The following PRH1 variants were observed in gnomAD, a reference collection of about 807,000 sequenced individuals.
The protein encoded by PRH1 is salivary acidic proline-rich phosphoprotein 1/2.
PRH1 carries 7 observed loss-of-function variants against 7.9 expected under a neutral mutation model. The ratio of observed to expected loss-of-function variants is 0.89; its 90% CI spans 0.50 to 1.67. PRH1 has a LOEUF of 1.67. PRH1 is among the 40% of genes most tolerant of loss of function. The pLI, the probability that PRH1 is intolerant of heterozygous loss-of-function variation, is 0.00. For missense variants in PRH1, 109 were observed against 223.6 expected, an observed-to-expected ratio of 0.49 and a Z score of 3.27; for synonymous variants, 45 against 80.8, an observed-to-expected ratio of 0.56 and a Z score of 2.38.
At chr12:11,017,603 G>A (rs1260434512) in intron 1 of PRH1, among the ~76,000 whole-genome samples, 1 of 152,010 alleles carries the variant, frequency 6.6e-6, no homozygotes, top group Non-Finnish European at 1.5e-5. Flanking sequence ...AAATCCTTCA[G>A]CCTCCTGAGT....
rs12312963 is a variant in PRH1 at position 10,995,013 on chromosome 12, T to C, written c.-125-21292A>G. 5.8e-3 allele frequency among the ~76,000 whole-genome samples: 890 copies of C among 152,336 alleles called. 9 individuals carry two copies. The highest frequency in any genetic ancestry group is 0.02 in the African/African-American group (822 of 41,588). On this transcript the variant is annotated intron_variant, in intron 1 of 3. Coordinates refer to the PRH1 transcript ENST00000539853. ...CTGCATCACTGCTATATTATAGTGATATTTCCCCTAGAATTGTGGAATAGC... is the reference window on the plus strand; with the variant it reads ...CTGCATCACTGCTATATTATAGTGACATTTCCCCTAGAATTGTGGAATAGC...
At chr12:11,062,072 A>G in intron 1 of PRH1, 5 of 1,613,698 alleles carry the variant, frequency 3.1e-6, no homozygotes, top group Non-Finnish European at 4.2e-6. Context: ...ATACTGTTAA[A>G]AGCTGGATTC....
At chr12:11,068,214 T>C (rs1209062981) in intron 1 of PRH1, among the ~76,000 whole-genome samples, 1 of 152,216 alleles carries the variant, frequency 6.6e-6, no homozygotes, top group Non-Finnish European at 1.5e-5. Context: ...ATCTCCTCCC[T>C]CCTGATTATC....
chr12:10,977,191 G>A (rs1939144943), intron 1 of PRH1, among the ~76,000 whole-genome samples: 20 of 152,090 alleles, frequency 1.3e-4, no homozygotes, highest in Admixed American at 1.3e-3. Flanking sequence ...ACTGAATCCA[G>A]CAGCACATCA....
intron 1 of PRH1, among the ~76,000 whole-genome samples, chr12:11,076,245 A>G (rs73062936): frequency 0.5 from 57,729 of 115,276 alleles, 12,728 homozygotes; most frequent in Non-Finnish European, 0.6. Flanking sequence ...GGATACATCA[A>G]CACACTTTGT....
chr12:11,152,572 TTTA>T (rs556980860), intron 1 of PRH1, among the ~76,000 whole-genome samples: 126 of 152,308 alleles, frequency 8.3e-4, no homozygotes, highest in Admixed American at 6.6e-3. Context: ...CACTTTTATG[TTTA>T]TTGACATCTA....
intron 2 of PRH1, among the ~76,000 whole-genome samples, chr12:10,932,986 A>G (rs1950235357): frequency 6.6e-6 from 1 of 152,182 alleles, no homozygotes. Context: ...AGAATTAATG[A>G]AAATTTAAAA....
intron 1 of PRH1, among the ~76,000 whole-genome samples, chr12:11,168,930 G>C (rs1947720365): frequency 6.6e-6 from 1 of 152,122 alleles, no homozygotes; most frequent in Admixed American, 6.5e-5. Context: ...AAAATTATCA[G>C]GCAGATAGCA....
intron 1 of PRH1, chr12:11,021,880 A>G (rs1312220268): frequency 8.7e-6 from 14 of 1,614,118 alleles, no homozygotes; most frequent in African/African-American, 2.7e-5. Context: ...GAAGGAGGTC[A>G]CAGTTTGCAA....
chr12:11,131,719 C>T (rs1277746364), intron 1 of PRH1, among the ~76,000 whole-genome samples: 5 of 152,078 alleles, frequency 3.3e-5, no homozygotes, highest in Non-Finnish European at 7.4e-5. Flanking sequence ...GATATTTCCC[C>T]TAAAATTGTG....
At chr12:11,129,097 A>AT (rs1209489860) in intron 1 of PRH1, among the ~76,000 whole-genome samples, 2 of 152,208 alleles carry the variant, frequency 1.3e-5, no homozygotes, top group Admixed American at 6.5e-5. Flanking sequence ...AATTTTTAAA[A>AT]TTTTTTGTAG....
chr12:11,144,360 G>A (rs898637065), intron 1 of PRH1, among the ~76,000 whole-genome samples: 2 of 152,078 alleles, frequency 1.3e-5, no homozygotes, highest in African/African-American at 4.8e-5. Flanking sequence ...CAGGTTGTCA[G>A]GAAAGTGGGG....
At chr12:11,101,711 T>A (rs1416692215) in intron 1 of PRH1, among the ~76,000 whole-genome samples, 2 of 152,004 alleles carry the variant, frequency 1.3e-5, no homozygotes, top group African/African-American at 2.4e-5. Context: ...TAATAAACAG[T>A]AAGATAAAAA....
intron 2 of PRH1, among the ~76,000 whole-genome samples, chr12:10,917,827 T>A (rs1288707701): frequency 6.6e-6 from 1 of 152,198 alleles, no homozygotes; most frequent in Non-Finnish European, 1.5e-5. Context: ...ATGGAAATGT[T>A]TCTGCAAGAC....
At chr12:10,967,928 T>C (rs1938586240) in intron 2 of PRH1, among the ~76,000 whole-genome samples, 1 of 152,032 alleles carries the variant, frequency 6.6e-6, no homozygotes, top group Non-Finnish European at 1.5e-5. Context: ...TTTTTAAAAA[T>C]AAGAGATTAG....
Position 11,076,780 on chromosome 12 carries a change from C to G in PRH1, n.124-29592G>C, listed in dbSNP as rs1161854863. ...AAACTTACTCTACATATCTTTGTCA[C>G]TAAAATTTTATTGTGTGCATCATTA... On this transcript the variant is annotated intron_variant and non_coding_transcript_variant, in intron 1 of 4. Transcript: ENST00000541977. 8 of 114,768 alleles carry G rather than the reference C, an allele frequency of 7.0e-5. 3 individuals carry two copies. The highest frequency in any genetic ancestry group is 1.2e-4 in the Non-Finnish European group (6 of 48,484). The allele number at this position is 114,768 out of a possible 1,614,324, so 7.1% of individuals were successfully genotyped here. A position where few individuals can be genotyped will look rare whatever the true frequency, so the allele number is the denominator to read the frequency against.
chr12:11,083,784 TA>T (rs200693741), intron 1 of PRH1, among the ~76,000 whole-genome samples: 2,113 of 152,150 alleles, frequency 0.014, 19 homozygotes, highest in South Asian at 0.029. Flanking sequence ...TTCAATTTAT[TA>T]AAAATATATT....
chr12:11,077,948 C>G (rs1944354141), intron 1 of PRH1: 1 of 917,052 alleles, frequency 1.1e-6, no homozygotes, highest in South Asian at 1.3e-5. Context: ...AGGCTAGCAG[C>G]AAGCCAGATG....
Position 11,081,094 on chromosome 12 carries a change from C to T in PRH1, n.124-33906G>A, listed in dbSNP as rs1944484331. ...GCAACATTTTGTTGCTCTATTTTCTCCCCTCTACTGTTACAGAACTCCAGA... is the reference window on the plus strand; with the variant it reads ...GCAACATTTTGTTGCTCTATTTTCTTCCCTCTACTGTTACAGAACTCCAGA... On this transcript the variant is annotated intron_variant and non_coding_transcript_variant, in intron 1 of 4. Transcript: ENST00000541977. 7.2e-5 allele frequency among the ~76,000 whole-genome samples: 8 copies of T among 111,876 alleles called. 2 individuals are homozygous for T. The highest frequency in any genetic ancestry group is 5.5e-4 in the Admixed American group (6 of 11,006). 73.4% of individuals were successfully genotyped at this position (111,876 alleles called of 152,430 possible). A position where few individuals can be genotyped will look rare whatever the true frequency, so the allele number is the denominator to read the frequency against.
Sources: allele counts gnomAD v4.1 joint callset (sites outside exome capture counted in the v4.1 genomes callset), GRCh38; gene constraint gnomAD v4.1.1; transcripts MANE v1.5; gene names NCBI Gene and HGNC (gene_info 2026-07-23, HGNC 2026-07-21).